The following PREP variants were observed in gnomAD, a reference collection of about 807,000 sequenced individuals.
PREP encodes the protein prolyl endopeptidase.
In PREP, 29 loss-of-function variants were observed where a neutral mutation model predicts 87.6. The observed-to-expected ratio is 0.33, with a 90% CI of 0.25 to 0.45. The LOEUF is 0.45. Among genes scored for constraint, PREP ranks in the 20% least tolerant of loss-of-function variants. The pLI is 1.00. For synonymous variants in PREP, 337 were observed against 328.6 expected, an observed-to-expected ratio of 1.03 and a Z score of -0.28; for missense variants, 695 against 886.5, an observed-to-expected ratio of 0.78 and a Z score of 2.74.
chr6:105,386,626 G>A (rs893687451), intron 2 of PREP, among the ~76,000 whole-genome samples: 1 of 152,140 alleles, frequency 6.6e-6, no homozygotes, highest in Non-Finnish European at 1.5e-5. Context: ...GAACTTAGCT[G>A]CTTATGAATA....
intron 8 of PREP, 129 bp from the exon 9 acceptor site, chr6:105,329,155 AT>A (rs11345908): frequency 0.3 from 203,114 of 683,744 alleles, 2,002 homozygotes; most frequent in South Asian, 0.4. Context: ...TCACTTTTAC[AT>A]TTTTTTTTTT....
intron 10 of PREP, among the ~76,000 whole-genome samples, chr6:105,318,329 T>C (rs1257254265): frequency 6.6e-6 from 1 of 152,196 alleles, no homozygotes; most frequent in Non-Finnish European, 1.5e-5. Context: ...CACATACCCA[T>C]TCACCATATC....
Position 105,288,799 on chromosome 6 carries a change from A to G in PREP, c.1413T>C (p.Tyr471=). Residue 471 remains tyrosine, a synonymous_variant, in exon 11 of 15, where the codon TAT becomes TAC. Transcript: ENST00000652536. The part of the protein sequence containing the change: ...KLDGSHPAFL[Y]GYGGFNISIT... The stretch of plus-strand genomic sequence containing the variant: ...TGGATATGTTGAAGCCGCCATAGCC[A>G]TATAAGAAAGCTGGATGAGAGCCAT... 6.2e-7 allele frequency: 1 copy of G among 1,614,210 alleles called. No homozygotes were observed. Among genetic ancestry groups the G allele is most frequent in the Non-Finnish European group, 8.5e-7 (1 of 1,180,024 alleles).
chr6:105,279,583 G>A (rs1770028132), intron 14 of PREP, among the ~76,000 whole-genome samples: 1 of 152,026 alleles, frequency 6.6e-6, no homozygotes, highest in Non-Finnish European at 1.5e-5. Flanking sequence ...CTTTTTTTGG[G>A]GAAACACCTT....
At chr6:105,360,911 G>A (rs1772229559) in intron 6 of PREP, among the ~76,000 whole-genome samples, 1 of 152,046 alleles carries the variant, frequency 6.6e-6, no homozygotes, top group Non-Finnish European at 1.5e-5. Context: ...CTACCACTGG[G>A]TCATTTGAAG....
At position 105,376,182 on chromosome 6, in the gene PREP, C is replaced by T. The variant is rs138316994; in HGVS notation, c.328G>A (p.Ala110Thr). 4.8e-5 allele frequency: 77 copies of T among 1,613,802 alleles called. No individual in the cohort carries two copies. Among genetic ancestry groups the T allele is most frequent in the Non-Finnish European group, 6.2e-5 (73 of 1,179,892 alleles). The change falls in exon 4 of 15, where the codon GCC (alanine) becomes ACC (threonine). Residue 110 changes from alanine to threonine, a missense_variant. This residue lies in a region of PREP where 517 missense variants were observed against 620.3 expected (regional missense o/e 0.83). Transcript: ENST00000652536. Reference protein sequence around the residue: ...LYVQDSLEGEARVFLDPNILS... With the variant: ...LYVQDSLEGETRVFLDPNILS... Reference sequence around the variant, plus strand: ...ATGTTGGGGTCCAGGAACACTCTGGCCTCACCCTCTAAGGAATCCTGTACA... The same window carrying T: ...ATGTTGGGGTCCAGGAACACTCTGGTCTCACCCTCTAAGGAATCCTGTACA...
intron 12 of PREP, among the ~76,000 whole-genome samples, chr6:105,282,930 A>AACTT (rs999087363): frequency 4.6e-5 from 7 of 152,228 alleles, no homozygotes; most frequent in African/African-American, 1.2e-4. Context: ...TGGGAAGCTG[A>AACTT]ACTTACAAAT....
chr6:105,343,423 C>T (rs1271733820), intron 7 of PREP, among the ~76,000 whole-genome samples: 11 of 152,040 alleles, frequency 7.2e-5, no homozygotes, highest in Admixed American at 7.2e-4. Flanking sequence ...CCATAAAAAC[C>T]CTAGAAGAAA....
At chr6:105,308,160 T>C (rs555546339) in intron 10 of PREP, among the ~76,000 whole-genome samples, 1 of 152,022 alleles carries the variant, frequency 6.6e-6, no homozygotes, top group East Asian at 1.9e-4. Flanking sequence ...GGAAATTGAA[T>C]GCATGAAAGA....
In PREP at chr6:105,304,404, A is replaced by G. The variant is rs114303532; in HGVS notation, c.1318-15510T>C. Among the ~76,000 whole-genome samples, 408 of 152,308 alleles carry G rather than the reference A, an allele frequency of 2.7e-3. 3 individuals are homozygous for G. The highest frequency in any genetic ancestry group is 9.2e-3 in the African/African-American group (384 of 41,572). On this transcript the variant is annotated intron_variant, in intron 10 of 14. Coordinates refer to ENST00000652536, the MANE Select transcript of PREP (RefSeq NM_002726.5). Reference sequence around the variant, plus strand: ...CAGCTGGGGTCATTCTGACGCAGATAAATTGTTAAGTAAGGAACCCAAGTC... The same window carrying G: ...CAGCTGGGGTCATTCTGACGCAGATGAATTGTTAAGTAAGGAACCCAAGTC...
At chr6:105,363,109 CT>C (rs1772296830) in intron 6 of PREP, among the ~76,000 whole-genome samples, 1 of 151,944 alleles carries the variant, frequency 6.6e-6, no homozygotes, top group Non-Finnish European at 1.5e-5. Flanking sequence ...ATAAAAATGG[CT>C]TATGGAGACA....
chr6:105,302,965 C>T, intron 10 of PREP: 1 of 191,030 alleles, frequency 5.2e-6, no homozygotes, highest in South Asian at 8.5e-5. Context: ...TCCCTGCCTG[C>T]CTGCACAGGG....
chr6:105,305,356 T>C (rs1770631691), intron 10 of PREP, among the ~76,000 whole-genome samples: 1 of 152,096 alleles, frequency 6.6e-6, no homozygotes, highest in Non-Finnish European at 1.5e-5. Flanking sequence ...AATGGGACTG[T>C]ATGAAGCTGA....
intron 7 of PREP, 72 bp from the exon 8 acceptor site, chr6:105,333,577 G>A (rs1771398137): frequency 6.9e-7 from 1 of 1,454,554 alleles, no homozygotes; most frequent in Admixed American, 1.7e-5. Context: ...TGTAGGGAGG[G>A]GAGGGTGGAT....
At chr6:105,292,836 T>C (rs1289854287) in intron 10 of PREP, among the ~76,000 whole-genome samples, 2 of 152,244 alleles carry the variant, frequency 1.3e-5, no homozygotes, top group African/African-American at 4.8e-5. Flanking sequence ...CTGCTGCATC[T>C]TGCACTTTTA....
chr6:105,392,969 C>G (rs183534998), intron 2 of PREP, among the ~76,000 whole-genome samples: 2 of 152,320 alleles, frequency 1.3e-5, no homozygotes, highest in African/African-American at 2.4e-5. Context: ...TCTCATGCGT[C>G]TCTAAGCAGT....
At chr6:105,339,700 G>A (rs1771584043) in intron 7 of PREP, among the ~76,000 whole-genome samples, 1 of 152,188 alleles carries the variant, frequency 6.6e-6, no homozygotes, top group African/African-American at 2.4e-5. Flanking sequence ...TAAATGACCT[G>A]ATGGAGCTGA....
At chr6:105,388,897 A>G (rs922241583) in intron 2 of PREP, among the ~76,000 whole-genome samples, 9 of 152,208 alleles carry the variant, frequency 5.9e-5, no homozygotes, top group Non-Finnish European at 1.2e-4. Flanking sequence ...ACGCTACTTT[A>G]AGGCTACTGC....
At chr6:105,297,848 C>CT (rs1210708006) in intron 10 of PREP, among the ~76,000 whole-genome samples, 2 of 152,180 alleles carry the variant, frequency 1.3e-5, no homozygotes, top group Non-Finnish European at 2.9e-5. Context: ...CCTTAACAGA[C>CT]TACAAGCACC....
Sources: allele counts gnomAD v4.1 joint callset (sites outside exome capture counted in the v4.1 genomes callset), GRCh38; gene constraint gnomAD v4.1.1; regional missense constraint gnomAD v4.1.1; transcripts MANE v1.5; gene names NCBI Gene and HGNC (gene_info 2026-07-23, HGNC 2026-07-21).